The following EPB41L4A variants were observed in gnomAD, a reference collection of about 807,000 sequenced individuals.
EPB41L4A encodes band 4.1-like protein 4A.
In EPB41L4A, 100 loss-of-function variants were observed where a neutral mutation model predicts 108.6. The ratio of observed to expected loss-of-function variants is 0.92; its 90% CI spans 0.78 to 1.09. The LOEUF (loss-of-function observed/expected upper bound fraction) is 1.09, where lower values mean the gene tolerates loss of function less well. Ranked by LOEUF, EPB41L4A falls within the 50% of genes least tolerant of loss-of-function variation. EPB41L4A has a pLI of 0.00. For synonymous variants in EPB41L4A, 319 were observed against 289.0 expected (o/e 1.10, Z -1.05); for missense variants, 1,030 against 842.7 (o/e 1.22, Z -2.75).
chr5:112,250,076 GA>G (rs936647969), intron 9 of EPB41L4A, among the ~76,000 whole-genome samples: 1 of 152,058 alleles, frequency 6.6e-6, no homozygotes, highest in Non-Finnish European at 1.5e-5. Flanking sequence ...TTTTTTAACT[GA>G]AAAATCACTG....
At chr5:112,243,869 C>T (rs370672336) in intron 9 of EPB41L4A, among the ~76,000 whole-genome samples, 37 of 152,298 alleles carry the variant, frequency 2.4e-4, no homozygotes, top group Non-Finnish European at 4.0e-4. Flanking sequence ...CTTGTTGGAT[C>T]TTCTATCCAG....
chr5:112,408,540 G>C (rs1319849832), intron 1 of EPB41L4A, among the ~76,000 whole-genome samples: 3 of 151,550 alleles, frequency 2.0e-5, no homozygotes, highest in Non-Finnish European at 4.4e-5. Flanking sequence ...AATGTAAACA[G>C]ACACTTCTCC....
Position 112,209,953 on chromosome 5 carries a change from T to C in EPB41L4A, c.1117A>G (p.Asn373Asp). Residue 373 changes from asparagine (N) to aspartate (D), a missense_variant, in exon 13 of 23, where the codon AAC (asparagine) becomes GAC (aspartate). Coordinates refer to ENST00000261486, the MANE Select transcript of EPB41L4A (RefSeq NM_022140.5). The stretch of plus-strand genomic sequence containing the variant: ...CCTTCATTTTCTCCATTTTCCATGT[T>C]TGCAGTTATCCTACTGATGCTGTTT... Reference protein sequence around the residue: ...ESNSISRITANMENGENEGTI... With the variant: ...ESNSISRITADMENGENEGTI... 6.2e-7 allele frequency: 1 copy of C among 1,606,718 alleles called. No individual in the cohort carries two copies. Among genetic ancestry groups the C allele is most frequent in the Non-Finnish European group, 8.5e-7 (1 of 1,174,298 alleles).
intron 12 of EPB41L4A, among the ~76,000 whole-genome samples, chr5:112,219,646 C>A (rs114600824): frequency 6.6e-6 from 1 of 152,082 alleles, no homozygotes; most frequent in African/African-American, 2.4e-5. Flanking sequence ...TATATTAGTA[C>A]ACCATACTAA....
chr5:112,295,197 T>G (rs1195519096), intron 2 of EPB41L4A, among the ~76,000 whole-genome samples: 2 of 152,086 alleles, frequency 1.3e-5, no homozygotes, highest in African/African-American at 4.8e-5. Flanking sequence ...ATCTAGGAAT[T>G]AAGGAGTAAA....
At chr5:112,259,177 G>T in intron 9 of EPB41L4A, 52 bp downstream of exon 9, 1 of 1,350,458 alleles carries the variant, frequency 7.4e-7, no homozygotes, top group Non-Finnish European at 1.1e-6. Context: ...AGCTACAAAT[G>T]AACACACAAG....
At chr5:112,158,522 T>C, downstream of EPB41L4A, 1 of 297,066 alleles carries the variant, frequency 3.4e-6, no homozygotes, top group South Asian at 3.1e-5. Context: ...ATTTCCTCTC[T>C]CTCACTGCAT....
chr5:112,339,542 A>ATATATT (rs371198329), intron 1 of EPB41L4A, among the ~76,000 whole-genome samples: 27 of 110,674 alleles, frequency 2.4e-4, no homozygotes, highest in African/African-American at 7.3e-4. Context: ...ATATATATAT[A>ATATATT]TTTTTTTTTT....
chr5:112,418,813 G>A (rs1396878661), intron 1 of EPB41L4A, 128 bp downstream of exon 1: 2 of 645,918 alleles, frequency 3.1e-6, no homozygotes, highest in East Asian at 2.8e-5. Flanking sequence ...AGGGGACAGC[G>A]GCCTCTCCTC....
intron 13 of EPB41L4A, among the ~76,000 whole-genome samples, chr5:112,145,182 T>C (rs1264105599): frequency 3.9e-5 from 6 of 152,160 alleles, no homozygotes; most frequent in African/African-American, 1.2e-4. Context: ...CCCAGCTACT[T>C]GGGAGGCTGA....
At chr5:112,316,814 C>T (rs1000083716) in intron 1 of EPB41L4A, among the ~76,000 whole-genome samples, 6 of 152,128 alleles carry the variant, frequency 3.9e-5, no homozygotes, top group Non-Finnish European at 7.3e-5. Context: ...GAGAGGTCTA[C>T]CTGGGCTGAA....
Position 112,307,477 on chromosome 5 carries a change from C to A in EPB41L4A, c.113G>T (p.Gly38Val), listed in dbSNP as rs758250391. The part of the protein sequence containing the change: ...QQQGIKKSTK[G>V]SVVLDHVFHH... ...GAATACGTGGTCAAGGACAACGGAA[C>A]CTTTCGTTGACTTCTGCAAAAATAA... The change falls in exon 2 of 23, where the codon GGT (glycine) becomes GTT (valine). Residue 38 changes from glycine to valine, a missense_variant. Physicochemically the swap from Gly to Val is moderately radical, Grantham distance 109. Coordinates refer to ENST00000261486, the MANE Select transcript of EPB41L4A (RefSeq NM_022140.5). The A allele has an allele frequency of 6.2e-7, 1 of 1,612,220 alleles. No individual in the cohort carries two copies. Among genetic ancestry groups the A allele is most frequent in the South Asian group, 1.1e-5 (1 of 90,990 alleles).
At chr5:112,378,354 T>C (rs905293829) in intron 1 of EPB41L4A, among the ~76,000 whole-genome samples, 9 of 152,220 alleles carry the variant, frequency 5.9e-5, no homozygotes, top group Admixed American at 1.3e-4. Flanking sequence ...GTAGTTTCTC[T>C]AGCCCTGTAA....
At chr5:112,190,311 G>C (rs1435792757) in intron 17 of EPB41L4A, among the ~76,000 whole-genome samples, 3 of 151,826 alleles carry the variant, frequency 2.0e-5, no homozygotes, top group Non-Finnish European at 4.4e-5. Context: ...AAGTTTTAAG[G>C]GGGGGGTGTT....
chr5:112,331,746 C>T (rs985903657), intron 1 of EPB41L4A, among the ~76,000 whole-genome samples: 1 of 152,174 alleles, frequency 6.6e-6, no homozygotes, highest in African/African-American at 2.4e-5. Context: ...AGGCAAGGGC[C>T]CTCGGCCCCC....
intron 1 of EPB41L4A, among the ~76,000 whole-genome samples, chr5:112,310,519 C>T (rs919304747): frequency 2.0e-5 from 3 of 152,242 alleles, no homozygotes; most frequent in East Asian, 1.9e-4. Context: ...GTGTATGGCC[C>T]GAACGCATAT....
intron 1 of EPB41L4A, among the ~76,000 whole-genome samples, chr5:112,395,185 G>C (rs1271270351): frequency 6.6e-6 from 1 of 152,284 alleles, no homozygotes; most frequent in Non-Finnish European, 1.5e-5. Flanking sequence ...ATAGGCATGG[G>C]CAAGGATTTC....
intron 2 of EPB41L4A, among the ~76,000 whole-genome samples, chr5:112,284,215 G>A (rs1054999086): frequency 6.6e-6 from 1 of 152,224 alleles, no homozygotes; most frequent in Non-Finnish European, 1.5e-5. Flanking sequence ...TGAGGGGAAA[G>A]AGGAGCAGAG....
chr5:112,201,381 G>A (rs992144107), intron 15 of EPB41L4A, among the ~76,000 whole-genome samples: 12 of 152,152 alleles, frequency 7.9e-5, no homozygotes, highest in African/African-American at 2.4e-4. Context: ...GGAAGCCAGC[G>A]GAAAATGAAC....
Sources: gnomAD v4.1 joint callset for allele counts (sites outside exome capture counted in the v4.1 genomes callset) on GRCh38, gnomAD v4.1.1 for gene constraint, MANE v1.5 for transcripts, NCBI Gene and HGNC (gene_info 2026-07-23, HGNC 2026-07-21) for gene names.